The following PDE11A variants were observed in gnomAD, a reference collection of about 807,000 sequenced individuals.
PDE11A encodes the protein dual 3',5'-cyclic-AMP and -GMP phosphodiesterase 11A.
In PDE11A, 100 loss-of-function variants were observed where a neutral mutation model predicts 100.5. The ratio of observed to expected loss-of-function variants is 1.00; its 90% confidence interval spans 0.85 to 1.18. The LOEUF is 1.18. Ranked by LOEUF, PDE11A falls within the 50% of genes most tolerant of loss-of-function variation. PDE11A has a pLI of 0.00. For synonymous variants in PDE11A, 381 were observed against 420.8 expected, an observed-to-expected ratio of 0.91 and a Z score of 1.16; for missense variants, 1,141 against 1,152.6, an observed-to-expected ratio of 0.99 and a Z score of 0.15.
intron 19 of PDE11A, among the ~76,000 whole-genome samples, chr2:177,631,655 GTA>G (rs1559117696): frequency 7.6e-6 from 1 of 132,370 alleles, no homozygotes; most frequent in Non-Finnish European, 1.5e-5. Flanking sequence ...ATATGTGTGT[GTA>G]TATATATACA....
At position 177,624,648 on chromosome 2, in the gene PDE11A, A is replaced by AT. The variant is rs1272343180; in HGVS notation, c.*4758dup. 6.6e-6 allele frequency: 1 copy of AT among 152,264 alleles called. No homozygotes were observed. The highest frequency in any genetic ancestry group is 2.4e-5 in the African/African-American group (1 of 41,476). 9.4% of individuals were successfully genotyped at this position (152,264 alleles called of 1,614,324 possible). ...ACCTGGAAATGCATAGACATCTCAG[A>AT]TTTTAGAAACAAAATGCATGTGCAA... On this transcript the variant is annotated 3_prime_UTR_variant, in exon 20 of 20. Coordinates refer to ENST00000286063, the MANE Select transcript of PDE11A (RefSeq NM_016953.4).
chr2:177,998,885 CTT>C, intron 2 of PDE11A: 1 of 538,798 alleles, frequency 1.9e-6, no homozygotes, highest in Non-Finnish European at 3.4e-6. Flanking sequence ...CTGGATGGCT[CTT>C]TAAAGTGTAA....
intron 10 of PDE11A, among the ~76,000 whole-genome samples, chr2:177,758,948 C>T (rs2082134062): frequency 6.6e-6 from 1 of 152,224 alleles, no homozygotes; most frequent in Admixed American, 6.5e-5. Context: ...TTTTAAATTA[C>T]TGTCTCTGGG....
chr2:177,635,969 G>A (rs1052413627), intron 19 of PDE11A, among the ~76,000 whole-genome samples: 3 of 151,838 alleles, frequency 2.0e-5, no homozygotes, highest in African/African-American at 7.3e-5. Flanking sequence ...AAATAATGCT[G>A]TAATGGATAT....
chr2:177,815,368 C>T (rs1044536881), intron 9 of PDE11A, among the ~76,000 whole-genome samples: 6 of 152,176 alleles, frequency 3.9e-5, no homozygotes, highest in Non-Finnish European at 5.9e-5. Context: ...AATAGTTCTG[C>T]ACACAGACCT....
At chr2:177,818,462 T>A (rs1386405910) in intron 7 of PDE11A, among the ~76,000 whole-genome samples, 11 of 152,000 alleles carry the variant, frequency 7.2e-5, no homozygotes, top group Admixed American at 7.2e-4. Flanking sequence ...GTTACCTAAC[T>A]TTTTTAGCAC....
chr2:177,713,987 C>CTTTTT (rs57211363), intron 12 of PDE11A, among the ~76,000 whole-genome samples: 1,329 of 77,362 alleles, frequency 0.017, 101 homozygotes, highest in Middle Eastern at 0.036. Context: ...TTTCTTTTTT[C>CTTTTT]TTTTTTTTTT....
At chr2:177,968,826 T>C (rs570431854) in intron 2 of PDE11A, among the ~76,000 whole-genome samples, 76 of 152,208 alleles carry the variant, frequency 5.0e-4, no homozygotes, top group Non-Finnish European at 8.7e-4. Flanking sequence ...GGTGGGAGGG[T>C]AAATTAGTTC....
intron 1 of PDE11A, among the ~76,000 whole-genome samples, chr2:178,059,875 G>A (rs1256555431): frequency 6.6e-6 from 1 of 152,160 alleles, no homozygotes; most frequent in Admixed American, 6.5e-5. Flanking sequence ...GGACTTTGAC[G>A]GCATGCAGTG....
chr2:177,897,670 A>G (rs1254663528), intron 4 of PDE11A, among the ~76,000 whole-genome samples: 2 of 152,154 alleles, frequency 1.3e-5, no homozygotes, highest in Admixed American at 6.5e-5. Context: ...CATTCTCTGG[A>G]CTGAAATCCA....
chr2:177,661,918 C>G (rs547916366), intron 19 of PDE11A, among the ~76,000 whole-genome samples: 1 of 152,258 alleles, frequency 6.6e-6, no homozygotes, highest in Non-Finnish European at 1.5e-5. Context: ...CAGGGGTGAG[C>G]AGGACACAAC....
At chr2:177,725,111 G>C (rs1321951873) in intron 12 of PDE11A, among the ~76,000 whole-genome samples, 3 of 152,114 alleles carry the variant, frequency 2.0e-5, no homozygotes, top group African/African-American at 7.2e-5. Context: ...AAAAGCATGA[G>C]TGCCCATTGG....
At chr2:178,061,444 T>A (rs971777460) in intron 1 of PDE11A, among the ~76,000 whole-genome samples, 2 of 152,144 alleles carry the variant, frequency 1.3e-5, no homozygotes, top group African/African-American at 2.4e-5. Flanking sequence ...CTAACCCACA[T>A]AATGACCTCA....
intron 2 of PDE11A, among the ~76,000 whole-genome samples, chr2:177,970,710 T>G (rs1239489379): frequency 2.0e-5 from 3 of 152,010 alleles, no homozygotes; most frequent in Non-Finnish European, 4.4e-5. Flanking sequence ...CTAATGAGAC[T>G]CCCAAGAGAT....
At chr2:177,787,583 C>T (rs992514530) in intron 9 of PDE11A, among the ~76,000 whole-genome samples, 23 of 151,630 alleles carry the variant, frequency 1.5e-4, no homozygotes, top group Middle Eastern at 3.4e-3. Flanking sequence ...AATTAAAAGA[C>T]GCAGACTGGC....
At chr2:177,638,461 T>A (rs1159284923) in intron 19 of PDE11A, among the ~76,000 whole-genome samples, 1 of 152,250 alleles carries the variant, frequency 6.6e-6, no homozygotes, top group Non-Finnish European at 1.5e-5. Context: ...CTACCAAGTC[T>A]ATGATCTATA....
chr2:177,636,057 G>T (rs1399091994), intron 19 of PDE11A, among the ~76,000 whole-genome samples: 1 of 151,978 alleles, frequency 6.6e-6, no homozygotes, highest in Non-Finnish European at 1.5e-5. Context: ...GGGTGAAAGG[G>T]AATGTGTATT....
chr2:177,704,475 G>C (rs2081249743), intron 13 of PDE11A, among the ~76,000 whole-genome samples: 1 of 151,718 alleles, frequency 6.6e-6, no homozygotes, highest in Non-Finnish European at 1.5e-5. Flanking sequence ...TTTGTCTCAG[G>C]CCAAGGCCCA....
chr2:177,636,975 T>C (rs2105440847), intron 19 of PDE11A, among the ~76,000 whole-genome samples: 1 of 152,344 alleles, frequency 6.6e-6, no homozygotes, highest in African/African-American at 2.4e-5. Context: ...CCCAGCAGCA[T>C]CTCTGGTAGC....
Sources: allele counts gnomAD v4.1 joint callset (sites outside exome capture counted in the v4.1 genomes callset), GRCh38; gene constraint gnomAD v4.1.1; transcripts MANE v1.5; gene names NCBI Gene and HGNC (gene_info 2026-07-23, HGNC 2026-07-21).